Variants in DNM3 observed in about 807,000 individuals in gnomAD.
DNM3 encodes the protein dynamin 3, also known as dynamin-3.
A neutral mutation model predicts 101.6 loss-of-function variants in DNM3; 47 were observed. That is an observed-to-expected ratio of 0.46 (90% CI 0.37 to 0.59). The LOEUF (loss-of-function observed/expected upper bound fraction) is 0.59, where lower values mean the gene tolerates loss of function less well. Ranked by LOEUF, DNM3 falls within the 20% of genes least tolerant of loss-of-function variation. The pLI is 0.00. For missense variants in DNM3, 849 were observed against 1,085.7 expected (o/e 0.78, Z 3.06); for synonymous variants, 385 against 387.9 (o/e 0.99, Z 0.09).
intron 15 of DNM3, among the ~76,000 whole-genome samples, chr1:172,273,699 T>A (rs1162619779): frequency 1.3e-5 from 2 of 152,088 alleles, no homozygotes; most frequent in Non-Finnish European, 2.9e-5. Context: ...GGTAATAACA[T>A]CATCACATCA....
At chr1:171,953,372 A>T (rs931212495) in intron 2 of DNM3, among the ~76,000 whole-genome samples, 2 of 151,940 alleles carry the variant, frequency 1.3e-5, no homozygotes, top group Non-Finnish European at 2.9e-5. Context: ...TCTGACCTTT[A>T]AATAGATGAG....
chr1:172,346,008 A>T (rs1215261434), intron 17 of DNM3, among the ~76,000 whole-genome samples: 2 of 151,506 alleles, frequency 1.3e-5, no homozygotes, highest in Non-Finnish European at 2.9e-5. Context: ...TTGTAGTCCC[A>T]GTTACTCAGG....
intron 14 of DNM3, among the ~76,000 whole-genome samples, chr1:172,135,932 G>A (rs1383319347): frequency 2.6e-5 from 4 of 151,928 alleles, no homozygotes; most frequent in Non-Finnish European, 5.9e-5. Context: ...TGAAGAAAGA[G>A]GACTGTTAAT....
chr1:172,222,063 G>C (rs931885652), intron 14 of DNM3, among the ~76,000 whole-genome samples: 2 of 152,142 alleles, frequency 1.3e-5, no homozygotes, highest in Non-Finnish European at 1.5e-5. Flanking sequence ...AGGAAAGTCA[G>C]AGATAGTAAT....
At chr1:172,144,039 A>G (rs1436321548) in intron 14 of DNM3, among the ~76,000 whole-genome samples, 2 of 152,148 alleles carry the variant, frequency 1.3e-5, no homozygotes, top group East Asian at 1.9e-4. Flanking sequence ...CTTCATCCAT[A>G]TAAGTTTTTA....
intron 1 of DNM3, among the ~76,000 whole-genome samples, chr1:171,881,562 G>C (rs2036268739): frequency 6.6e-6 from 1 of 152,206 alleles, no homozygotes; most frequent in Admixed American, 6.5e-5. Flanking sequence ...AGAGGGCCAG[G>C]CTGAGCCACA....
chr1:172,340,524 G>T (rs575124664), intron 17 of DNM3, among the ~76,000 whole-genome samples: 2 of 152,256 alleles, frequency 1.3e-5, no homozygotes, highest in African/African-American at 4.8e-5. Flanking sequence ...TTCCTGATGG[G>T]TCACTGACAA....
At chr1:171,890,923 C>A (rs755627383) in intron 1 of DNM3, among the ~76,000 whole-genome samples, 1 of 152,182 alleles carries the variant, frequency 6.6e-6, no homozygotes, top group African/African-American at 2.4e-5. Flanking sequence ...CCACCTTGGC[C>A]TCCCAAAGCA....
At chr1:171,969,432 T>C (rs774072520) in intron 2 of DNM3, among the ~76,000 whole-genome samples, 1 of 152,164 alleles carries the variant, frequency 6.6e-6, no homozygotes, top group Non-Finnish European at 1.5e-5. Flanking sequence ...CACGAGGGGC[T>C]GAACTTCACT....
At chr1:172,054,748 C>T (rs2050458128) in intron 10 of DNM3, among the ~76,000 whole-genome samples, 2 of 152,104 alleles carry the variant, frequency 1.3e-5, no homozygotes, top group Admixed American at 6.5e-5. Context: ...CACCTGAGAT[C>T]AGGAGTTCGA....
At chr1:172,009,061 T>TTATATGTATTTATATATTATATATAA (rs2046923164) in intron 4 of DNM3, among the ~76,000 whole-genome samples, 2 of 138,570 alleles carry the variant, frequency 1.4e-5, no homozygotes, top group African/African-American at 2.7e-5. Flanking sequence ...ATATAATATA[T>TTATATGTATTTATATATTATATATAA]TATATGTATT....
At chr1:171,942,201 A>ATTTTTTTTTTT (rs71561599) in intron 2 of DNM3, among the ~76,000 whole-genome samples, 3 of 103,580 alleles carry the variant, frequency 2.9e-5, no homozygotes, top group African/African-American at 1.1e-4. Context: ...TGCTCACTTG[A>ATTTTTTTTTTT]TTTTTTTTTT....
intron 14 of DNM3, among the ~76,000 whole-genome samples, chr1:172,200,641 T>G (rs896616327): frequency 1.3e-5 from 2 of 152,180 alleles, no homozygotes; most frequent in Admixed American, 6.5e-5. Flanking sequence ...ATTGTCTTAT[T>G]TCAGAGAACC....
intron 6 of DNM3, among the ~76,000 whole-genome samples, chr1:172,035,956 G>A (rs1214129688): frequency 2.0e-5 from 3 of 151,586 alleles, no homozygotes; most frequent in African/African-American, 7.3e-5. Context: ...AGTTTCTTCA[G>A]TCAATCTGGA....
Position 171,920,491 on chromosome 1 carries a change from T to C in DNM3, c.162-1257T>C, listed in dbSNP as rs182023465. Among the ~76,000 whole-genome samples the C allele has an allele frequency of 1.1e-3, 161 of 152,314 alleles. No individual in the cohort carries two copies. In the Middle Eastern group the frequency reaches 0.017, roughly 16 times the overall value. On this transcript the variant is annotated intron_variant, in intron 1 of 20. Transcript: ENST00000627582. ...CCCCTGAATATGATGAATCTGTAGC[T>C]TCAGGATGAGTCCTGGGTGTCTGTG... is the stretch of plus-strand genomic sequence containing the variant.
chr1:172,357,675 C>A (rs1014403497), intron 17 of DNM3, among the ~76,000 whole-genome samples: 3 of 152,030 alleles, frequency 2.0e-5, no homozygotes, highest in African/African-American at 7.2e-5. Context: ...ATTTCCTTAT[C>A]TTGATCATTG....
intron 14 of DNM3, among the ~76,000 whole-genome samples, chr1:172,143,828 C>T (rs771686324): frequency 3.0e-4 from 45 of 152,112 alleles, no homozygotes; most frequent in Admixed American, 2.9e-3. Context: ...CTTCTCTGGG[C>T]AAATCCCATC....
At chr1:172,030,821 T>C (rs1210259931) in intron 4 of DNM3, among the ~76,000 whole-genome samples, 2 of 152,182 alleles carry the variant, frequency 1.3e-5, no homozygotes, top group South Asian at 2.1e-4. Context: ...TCACTGGTCA[T>C]TAGAGAAATG....
At position 172,061,191 on chromosome 1, in the gene DNM3, G is replaced by A. The variant is rs1157885064; in HGVS notation, c.1336-7628G>A. On this transcript the variant is annotated intron_variant, in intron 10 of 20. Transcript: ENST00000627582. ...TAGAAGGGCAATCATTAAAAAGTCAGGAAACAACAGGTGCTGGAGAAGATG... is the reference window on the plus strand; with the variant it reads ...TAGAAGGGCAATCATTAAAAAGTCAAGAAACAACAGGTGCTGGAGAAGATG... Among the ~76,000 whole-genome samples the A allele has an allele frequency of 7.9e-5, 12 of 151,040 alleles. No individual in the cohort carries two copies. The East Asian group carries it at 1.8e-3, about 22-fold the overall frequency.
Sources: gnomAD v4.1 joint callset for allele counts (sites outside exome capture counted in the v4.1 genomes callset) on GRCh38, gnomAD v4.1.1 for gene constraint, MANE v1.5 for transcripts, NCBI Gene and HGNC (gene_info 2026-07-23, HGNC 2026-07-21) for gene names.